SEMA6D: variants seen among roughly 807,000 people sequenced by gnomAD.
SEMA6D encodes the protein semaphorin 6D.
In SEMA6D, 35 loss-of-function variants were observed where a neutral mutation model predicts 106.6. The ratio of observed to expected loss-of-function variants is 0.33; its 90% CI spans 0.25 to 0.44. The LOEUF (loss-of-function observed/expected upper bound fraction) is 0.44, where lower values mean the gene tolerates loss of function less well. SEMA6D is among the 20% of genes least tolerant of loss of function. SEMA6D has a pLI of 1.00. For missense variants in SEMA6D, 1,185 were observed against 1,345.9 expected, an observed-to-expected ratio of 0.88 and a Z score of 1.87; for synonymous variants, 499 against 487.7, an observed-to-expected ratio of 1.02 and a Z score of -0.31.
intron 1 of SEMA6D, among the ~76,000 whole-genome samples, chr15:47,347,286 A>G (rs1017004675): frequency 3.3e-5 from 5 of 152,366 alleles, no homozygotes; most frequent in African/African-American, 1.2e-4. Flanking sequence ...GGTAAAAATT[A>G]AAATCTAAAT....
chr15:47,671,349 G>A (rs8031070), intron 4 of SEMA6D, among the ~76,000 whole-genome samples: 136,042 of 152,198 alleles, frequency 0.89, 60,906 homozygotes, highest in Middle Eastern at 0.94. Flanking sequence ...GCAGTCTAGT[G>A]TTTGTTCCTG....
intron 2 of SEMA6D, among the ~76,000 whole-genome samples, chr15:47,466,183 A>G (rs1430371983): frequency 6.6e-6 from 1 of 152,202 alleles, no homozygotes; most frequent in East Asian, 1.9e-4. Context: ...CTTCAGATGT[A>G]CTGTATATGC....
At position 47,417,735 on chromosome 15, in the gene SEMA6D, G is replaced by A. The variant is rs540636278; in HGVS notation, c.-159+5263G>A. ...TGGTTTCATAAATGGAGGATATCAT[G>A]GTAAAAATAGACATCTCTAAATATT... On this transcript the variant is annotated intron_variant, in intron 2 of 19. Transcript: ENST00000558014. 1.5e-3 allele frequency among the ~76,000 whole-genome samples: 227 copies of A among 151,834 alleles called. 1 individual carries two copies. The highest frequency in any genetic ancestry group is 2.9e-3 in the Non-Finnish European group (195 of 67,924).
intron 3 of SEMA6D, among the ~76,000 whole-genome samples, chr15:47,516,467 G>A (rs918627677): frequency 2.6e-5 from 4 of 152,090 alleles, no homozygotes; most frequent in African/African-American, 7.2e-5. Flanking sequence ...AACCATTACT[G>A]TCAAACTGAG....
At chr15:47,439,330 A>G (rs921924226) in intron 2 of SEMA6D, among the ~76,000 whole-genome samples, 2 of 152,282 alleles carry the variant, frequency 1.3e-5, no homozygotes, top group Admixed American at 6.5e-5. Flanking sequence ...ATATAAACTC[A>G]ATACTTACAG....
At chr15:47,486,307 G>A (rs751926515) in intron 3 of SEMA6D, among the ~76,000 whole-genome samples, 6 of 152,248 alleles carry the variant, frequency 3.9e-5, no homozygotes, top group Non-Finnish European at 4.4e-5. Flanking sequence ...CACCACAAGC[G>A]GAACAACAAT....
intron 3 of SEMA6D, among the ~76,000 whole-genome samples, chr15:47,525,986 G>T (rs1044320070): frequency 6.6e-6 from 1 of 152,204 alleles, no homozygotes; most frequent in African/African-American, 2.4e-5. Context: ...AGCACCTGTT[G>T]GAGAACAGGG....
At chr15:47,241,688 G>A (rs890794663) in intron 1 of SEMA6D, among the ~76,000 whole-genome samples, 1 of 148,548 alleles carries the variant, frequency 6.7e-6, no homozygotes, top group Admixed American at 6.7e-5. Flanking sequence ...GAGGGAAGAA[G>A]AAAACGATGG....
At chr15:47,654,517 T>C (rs1276665309) in intron 4 of SEMA6D, among the ~76,000 whole-genome samples, 1 of 152,206 alleles carries the variant, frequency 6.6e-6, no homozygotes, top group African/African-American at 2.4e-5. Flanking sequence ...ATCATTGATA[T>C]AGTTTGGATA....
At chr15:47,266,996 T>G (rs2034351107) in intron 1 of SEMA6D, among the ~76,000 whole-genome samples, 1 of 152,170 alleles carries the variant, frequency 6.6e-6, no homozygotes, top group African/African-American at 2.4e-5. Context: ...TTTATGGAGC[T>G]CCTCTCTGTG....
intron 1 of SEMA6D, among the ~76,000 whole-genome samples, chr15:47,325,607 C>G (rs1280031147): frequency 6.6e-6 from 1 of 152,194 alleles, no homozygotes; most frequent in East Asian, 1.9e-4. Context: ...ACCTTAAACC[C>G]TCTTTCCCAT....
intron 1 of SEMA6D, among the ~76,000 whole-genome samples, chr15:47,339,787 A>G (rs1415279603): frequency 6.6e-6 from 1 of 151,992 alleles, no homozygotes; most frequent in Non-Finnish European, 1.5e-5. Context: ...TGAACCTAGG[A>G]GGTGGAGGTT....
rs140413932 is a variant in SEMA6D, at chr15:47,503,205, A to G, written c.-87+32660A>G. ...TTCTGAGATAAAATTCCAATATCCA[A>G]TATTTTTCTGCTGATATATCTATTT... On this transcript the variant is annotated intron_variant, in intron 3 of 19. Transcript: ENST00000558014. Among the ~76,000 whole-genome samples the G allele has an allele frequency of 9.2e-5, 14 of 152,254 alleles. No homozygotes were observed. In the East Asian group the frequency reaches 2.3e-3, roughly 25 times the overall value.
chr15:47,305,834 A>G (rs12443482), intron 1 of SEMA6D, among the ~76,000 whole-genome samples: 66,040 of 152,062 alleles, frequency 0.43, 16,671 homozygotes, highest in Non-Finnish European at 0.56. Flanking sequence ...CTTCACCCAC[A>G]AAGTAGATCT....
chr15:47,692,011 G>A lies in SEMA6D; in HGVS notation c.-54-67734G>A, dbSNP rs1035131589. 5.9e-5 allele frequency among the ~76,000 whole-genome samples: 9 copies of A among 152,314 alleles called. 1 individual carries two copies. The South Asian group carries it at 1.9e-3, about 32-fold the overall frequency. On this transcript the variant is annotated intron_variant, in intron 4 of 19. Coordinates refer to the SEMA6D transcript ENST00000558014. The stretch of plus-strand genomic sequence containing the variant: ...AAAAACTGCTCTATGCAAAGAGCAA[G>A]AGGAAAAGCATTTCTAGCAAGAATA...
chr15:47,488,637 G>A (rs1249609719), intron 3 of SEMA6D, among the ~76,000 whole-genome samples: 1 of 152,172 alleles, frequency 6.6e-6, no homozygotes, highest in Non-Finnish European at 1.5e-5. Context: ...AGAAGAGAAA[G>A]CCTGAGACTT....
At chr15:47,600,968 G>A (rs2076641665) in intron 4 of SEMA6D, 1 of 152,056 alleles carries the variant, frequency 6.6e-6, no homozygotes, top group Non-Finnish European at 1.5e-5. Context: ...ATAAGTTTTT[G>A]CTGTATGTCA....
intron 4 of SEMA6D, among the ~76,000 whole-genome samples, chr15:47,610,443 T>G (rs1310552307): frequency 6.6e-6 from 1 of 152,110 alleles, no homozygotes; most frequent in Non-Finnish European, 1.5e-5. Context: ...CAAGAAAAAC[T>G]CTGGGCTCTA....
chr15:47,283,427 T>A (rs2035220084), intron 1 of SEMA6D, among the ~76,000 whole-genome samples: 1 of 152,210 alleles, frequency 6.6e-6, no homozygotes. Flanking sequence ...ACTTTGACTT[T>A]CCGTTGGAGG....
Sources: gnomAD v4.1 joint callset for allele counts (sites outside exome capture counted in the v4.1 genomes callset) on GRCh38, gnomAD v4.1.1 for gene constraint, MANE v1.5 for transcripts, NCBI Gene and HGNC (gene_info 2026-07-23, HGNC 2026-07-21) for gene names.